The following CCDC69 variants were observed in gnomAD, a reference collection of about 807,000 sequenced individuals.
CCDC69 encodes coiled-coil domain-containing protein 69.
CCDC69 carries 38 observed loss-of-function variants against 40.3 expected under a neutral mutation model. The ratio of observed to expected loss-of-function variants is 0.94; its 90% CI spans 0.73 to 1.24. The LOEUF (loss-of-function observed/expected upper bound fraction) is 1.24, where lower values mean the gene tolerates loss of function less well. CCDC69 is among the 50% of genes most tolerant of loss of function. CCDC69 has a pLI of 0.00. For missense variants in CCDC69, 389 were observed against 357.9 expected (o/e 1.09, Z -0.70); for synonymous variants, 141 against 138.9 (o/e 1.02, Z -0.11).
At chr5:151,221,398 C>G (rs1753132583) in intron 1 of CCDC69, among the ~76,000 whole-genome samples, 2 of 152,244 alleles carry the variant, frequency 1.3e-5, no homozygotes, top group Admixed American at 6.5e-5. Context: ...CCATACCTTC[C>G]AAACCACCCT....
intron 2 of CCDC69, 30 bp from the exon 3 acceptor site, chr5:151,201,718 T>TA (rs764830367): frequency 6.1e-6 from 9 of 1,472,252 alleles, no homozygotes; most frequent in Middle Eastern, 1.8e-4. Context: ...AAAATAAAAA[T>TA]AAAAAAACTC....
intron 1 of CCDC69, among the ~76,000 whole-genome samples, chr5:151,208,525 G>C (rs1201640155): frequency 1.3e-5 from 2 of 152,192 alleles, no homozygotes; most frequent in African/African-American, 2.4e-5. Context: ...AATCTGCTGA[G>C]TGGCTGGGCA....
At chr5:151,214,033 G>A (rs1752996013) in intron 1 of CCDC69, among the ~76,000 whole-genome samples, 1 of 152,198 alleles carries the variant, frequency 6.6e-6, no homozygotes, top group Non-Finnish European at 1.5e-5. Context: ...GCCCAGAGGT[G>A]GGTGGGCAGA....
At chr5:151,187,708 C>T (rs761383366) in intron 4 of CCDC69, among the ~76,000 whole-genome samples, 4 of 152,148 alleles carry the variant, frequency 2.6e-5, no homozygotes, top group Non-Finnish European at 4.4e-5. Context: ...TACCAGATTG[C>T]GGGTGCCATC....
intron 1 of CCDC69, chr5:151,212,982 A>G (rs925465335): frequency 9.2e-6 from 4 of 435,558 alleles, no homozygotes; most frequent in Non-Finnish European, 1.9e-5. Flanking sequence ...GTCAAACTTC[A>G]TGCTGTAGAT....
At position 151,181,080 on chromosome 5, in the gene CCDC69, C is replaced by T. The variant is rs1766617622; in HGVS notation, c.*2357G>A. The stretch of plus-strand genomic sequence containing the variant: ...GGTGCCGCATGTTCTTTTTAGTTTC[C>T]ATACATCGTCTGTCCCAGAGTGAGG... On this transcript the variant is annotated 3_prime_UTR_variant, in exon 9 of 9. Transcript: ENST00000355417. The T allele has an allele frequency of 6.6e-6, 1 of 152,200 alleles. No individual in the cohort carries two copies. The highest frequency in any genetic ancestry group is 2.4e-5 in the African/African-American group (1 of 41,442). 9.4% of individuals were successfully genotyped at this position (152,200 alleles called of 1,614,324 possible).
intron 3 of CCDC69, among the ~76,000 whole-genome samples, chr5:151,199,621 C>T (rs1050553385): frequency 6.6e-6 from 1 of 152,116 alleles, no homozygotes; most frequent in African/African-American, 2.4e-5. Context: ...TAAGGTACAG[C>T]TGATGGGGCA....
At chr5:151,219,602 T>C (rs542066468) in intron 1 of CCDC69, among the ~76,000 whole-genome samples, 1 of 152,258 alleles carries the variant, frequency 6.6e-6, no homozygotes, top group South Asian at 2.1e-4. Context: ...AACTGGAATA[T>C]AACCATATAA....
At chr5:151,223,351 G>A (rs897058129) in intron 1 of CCDC69, among the ~76,000 whole-genome samples, 1 of 152,220 alleles carries the variant, frequency 6.6e-6, no homozygotes, top group African/African-American at 2.4e-5. Flanking sequence ...CCAGCTCTGG[G>A]GCCTGCAAGA....
chr5:151,197,913 G>A (rs979481753), intron 4 of CCDC69, among the ~76,000 whole-genome samples: 1 of 152,182 alleles, frequency 6.6e-6, no homozygotes, highest in Non-Finnish European at 1.5e-5. Flanking sequence ...GTATAGAAGA[G>A]TTTAATGACA....
At chr5:151,206,072 T>A (rs1055259214) in intron 1 of CCDC69, among the ~76,000 whole-genome samples, 4 of 152,178 alleles carry the variant, frequency 2.6e-5, no homozygotes, top group African/African-American at 7.2e-5. Context: ...AGTCTGGGCC[T>A]CCAGAACTTT....
intron 1 of CCDC69, among the ~76,000 whole-genome samples, chr5:151,211,903 A>G (rs1361257802): frequency 6.6e-6 from 1 of 151,596 alleles, no homozygotes; most frequent in Non-Finnish European, 1.5e-5. Context: ...TGAGCTAGGT[A>G]GGTCTCAACA....
chr5:151,187,276 T>C, intron 5 of CCDC69, 110 bp downstream of exon 5: 1 of 878,298 alleles, frequency 1.1e-6, no homozygotes, highest in East Asian at 2.5e-5. Flanking sequence ...CCTCAGCCCC[T>C]CACTCCTAGG....
chr5:151,193,905 T>G (rs73796626), intron 4 of CCDC69, among the ~76,000 whole-genome samples: 1,933 of 152,304 alleles, frequency 0.013, 40 homozygotes, highest in African/African-American at 0.043. Context: ...ACAAGCAAGT[T>G]AATTTAAATG....
chr5:151,213,366 C>T (rs1205969557), intron 1 of CCDC69, among the ~76,000 whole-genome samples: 1 of 152,120 alleles, frequency 6.6e-6, no homozygotes, highest in Admixed American at 6.5e-5. Flanking sequence ...CCTGTCTCAG[C>T]CTCCTGAGTA....
intron 3 of CCDC69, among the ~76,000 whole-genome samples, chr5:151,200,022 C>T (rs900882707): frequency 5.9e-5 from 9 of 152,142 alleles, no homozygotes; most frequent in African/African-American, 2.2e-4. Flanking sequence ...GAGGCCGCAC[C>T]CTCCCCGCAC....
chr5:151,198,339 T>TA (rs1554089428), intron 4 of CCDC69, among the ~76,000 whole-genome samples: 1 of 151,286 alleles, frequency 6.6e-6, no homozygotes, highest in Non-Finnish European at 1.5e-5. Context: ...TCTATCTATC[T>TA]ATCTATCTTA....
chr5:151,203,041 G>T (rs1752798244), intron 2 of CCDC69, among the ~76,000 whole-genome samples: 1 of 152,110 alleles, frequency 6.6e-6, no homozygotes, highest in Non-Finnish European at 1.5e-5. Flanking sequence ...CCCTATAGTC[G>T]TGAGTAATAT....
Position 151,206,039 on chromosome 5 carries a change from A to G in CCDC69, c.49-564T>C, listed in dbSNP as rs373764702. On this transcript the variant is annotated intron_variant, in intron 1 of 8. Coordinates refer to ENST00000355417, the MANE Select transcript of CCDC69 (RefSeq NM_015621.3). ...TGTCCTCTAATTCAATTCTGACACT[A>G]TCTACCTGGAGATAGTGTCACAAGT... 2.2e-4 allele frequency among the ~76,000 whole-genome samples: 33 copies of G among 152,300 alleles called. No individual in the cohort carries two copies. In the East Asian group the frequency reaches 2.7e-3, roughly 12 times the overall value.
Sources: gnomAD v4.1 joint callset for allele counts (sites outside exome capture counted in the v4.1 genomes callset) on GRCh38, gnomAD v4.1.1 for gene constraint, MANE v1.5 for transcripts, NCBI Gene and HGNC (gene_info 2026-07-23, HGNC 2026-07-21) for gene names.